FBN1: variants seen among roughly 807,000 people sequenced by gnomAD.
FBN1 encodes the protein fibrillin-1.
In FBN1, 29 loss-of-function variants were observed where a neutral mutation model predicts 365.1. The observed-to-expected ratio is 0.08, with a 90% confidence interval of 0.06 to 0.11. The LOEUF is 0.11. Ranked by LOEUF, FBN1 falls within the 10% of genes least tolerant of loss-of-function variation. The pLI, the probability that FBN1 is intolerant of heterozygous loss-of-function variation, is 1.00. For missense variants in FBN1, 2,476 were observed against 3,703.2 expected, an observed-to-expected ratio of 0.67 and a Z score of 8.60; for synonymous variants, 1,210 against 1,270.5, an observed-to-expected ratio of 0.95 and a Z score of 1.01.
At chr15:48,525,106 A>G (rs866338308) in intron 9 of FBN1, among the ~76,000 whole-genome samples, 1 of 147,904 alleles carries the variant, frequency 6.8e-6, no homozygotes. Flanking sequence ...TTTTTTTTTC[A>G]GATGAAGTCT....
intron 1 of FBN1, among the ~76,000 whole-genome samples, chr15:48,645,269 C>T (rs1249657850): frequency 6.6e-6 from 1 of 152,194 alleles, no homozygotes; most frequent in Non-Finnish European, 1.5e-5. Context: ...GCGCGATGCG[C>T]GCTCTGAACG....
At chr15:48,562,787 A>G (rs2044233152) in intron 6 of FBN1, among the ~76,000 whole-genome samples, 1 of 152,168 alleles carries the variant, frequency 6.6e-6, no homozygotes, top group Admixed American at 6.5e-5. Context: ...AGGCAAGGAG[A>G]ACAGCCCACA....
chr15:48,476,774 CTTTTT>C (rs34020705), intron 32 of FBN1: 6 of 64,598 alleles, frequency 9.3e-5, no homozygotes, highest in South Asian at 6.0e-4. Flanking sequence ...CCACGCCTGG[CTTTTT>C]TTTTTTTTTT....
intron 31 of FBN1, among the ~76,000 whole-genome samples, chr15:48,481,988 C>T (rs1004487737): frequency 1.3e-5 from 2 of 152,182 alleles, no homozygotes; most frequent in Non-Finnish European, 2.9e-5. Flanking sequence ...TCATCTGGCC[C>T]ATAAGCAGCA....
intron 13 of FBN1, among the ~76,000 whole-genome samples, chr15:48,511,937 T>C (rs1343443211): frequency 6.6e-6 from 1 of 152,308 alleles, no homozygotes; most frequent in East Asian, 1.9e-4. Flanking sequence ...TTTTCTGTTA[T>C]TGCAAAATGC....
rs116842662 is a variant in FBN1, at chr15:48,596,413, T to C, written c.443-35A>G. The C allele has an allele frequency of 0.019, 30,058 of 1,567,908 alleles. 323 individuals are homozygous for C. The highest frequency in any genetic ancestry group is 0.028 in the Middle Eastern group (165 of 5,972). ...AAGGAGAGAGCTGAGACGCTTTACC[T>C]GAAAATAAATGCTAATGAAGTAACA... On this transcript the variant is annotated intron_variant, in intron 5 of 65. Transcript: ENST00000316623.
chr15:48,525,343 G>A (rs1246215266), intron 9 of FBN1, among the ~76,000 whole-genome samples: 7 of 152,216 alleles, frequency 4.6e-5, no homozygotes, highest in Non-Finnish European at 7.4e-5. Context: ...TGCCCGCCTC[G>A]GCCTCCCAAA....
chr15:48,496,290 T>C (rs1173066259), intron 19 of FBN1, 65 bp from the exon 20 acceptor site: 84 of 1,599,582 alleles, frequency 5.3e-5, no homozygotes, highest in Middle Eastern at 3.3e-4. Context: ...TACTTTGCTC[T>C]TTTACATTAG....
intron 11 of FBN1, 144 bp downstream of exon 11, chr15:48,516,033 TGATATA>T (rs1254078255): frequency 4.1e-6 from 3 of 739,184 alleles, no homozygotes; most frequent in Admixed American, 2.4e-5. Flanking sequence ...GACATACATA[TGATATA>T]GATATAGATA....
At chr15:48,438,554 TAC>T (rs1404783495) in intron 50 of FBN1, among the ~76,000 whole-genome samples, 1 of 148,352 alleles carries the variant, frequency 6.7e-6, no homozygotes. Flanking sequence ...TTGTAGATTT[TAC>T]ACACACACAC....
chr15:48,568,327 T>C (rs2044277292), intron 6 of FBN1, among the ~76,000 whole-genome samples: 1 of 152,074 alleles, frequency 6.6e-6, no homozygotes, highest in Non-Finnish European at 1.5e-5. Flanking sequence ...GCATAATTTG[T>C]GCACTGAACA....
chr15:48,460,436 T>C, intron 42 of FBN1, 119 bp from the exon 43 acceptor site: 1 of 705,628 alleles, frequency 1.4e-6, no homozygotes, highest in African/African-American at 1.8e-5. Context: ...GTTTGAAGAA[T>C]TTAAAATAAA....
intron 32 of FBN1, among the ~76,000 whole-genome samples, chr15:48,477,970 T>G (rs940995641): frequency 1.3e-5 from 2 of 152,138 alleles, no homozygotes; most frequent in Admixed American, 6.5e-5. Flanking sequence ...GTCATCCAAG[T>G]ATGGGCTTGT....
intron 5 of FBN1, among the ~76,000 whole-genome samples, chr15:48,599,251 C>T (rs1054476364): frequency 9.9e-5 from 15 of 152,028 alleles, no homozygotes; most frequent in Admixed American, 1.3e-4. Context: ...CCCTGAATAA[C>T]GCCCACCATT....
Position 48,494,190 on chromosome 15 carries a change from G to A in FBN1, c.2728+14C>T. On this transcript the variant is annotated intron_variant, in intron 23 of 65. Transcript: ENST00000316623. ...GCACACAAAAATGTATGGTTTATAA[G>A]TAATCAGAAATACCTTCACATTGTG... 6.3e-7 allele frequency: 1 copy of A among 1,596,048 alleles called. No homozygotes were observed. Among genetic ancestry groups the A allele is most frequent in the Non-Finnish European group, 8.6e-7 (1 of 1,163,896 alleles).
At position 48,485,388 on chromosome 15, in the gene FBN1, T is replaced by C; in HGVS notation, c.3698A>G (p.Gln1233Arg). 1 of 1,614,182 alleles carries C rather than the reference T, an allele frequency of 6.2e-7. No individual in the cohort carries two copies. The highest frequency in any genetic ancestry group is 8.5e-7 in the Non-Finnish European group (1 of 1,179,998). The change falls in exon 30 of 66, where the codon CAG (glutamine) becomes CGG (arginine). Residue 1233 changes from glutamine (Q) to arginine (R), a missense_variant. This residue lies in a region of FBN1 where 1,780 missense variants were observed against 2,840.8 expected (regional missense o/e 0.63). Coordinates refer to ENST00000316623, the MANE Select transcript of FBN1 (RefSeq NM_000138.5). ...AACCTACTCACCGGTGCATGATCTC[T>C]GGTCAGGCATTAGTGCAAATCCCGG... ...CQPGFALMPD[Q>R]RSCTDIDECE... is the part of the protein sequence containing the mutation.
rs1045507224 is a variant in FBN1, at chr15:48,481,594, T to C, written c.3964+61A>G. 2.0e-4 allele frequency: 309 copies of C among 1,526,650 alleles called. 1 individual carries two copies. The highest frequency in any genetic ancestry group is 4.4e-5 in the Non-Finnish European group (49 of 1,105,548). The allele number at this position is 1,526,650 out of a possible 1,614,324, so 94.6% of individuals were successfully genotyped here. A position where few individuals can be genotyped will look rare whatever the true frequency, so the allele number is the denominator to read the frequency against. The stretch of plus-strand genomic sequence containing the variant: ...GAGTTTTAAAACATGTATCAATCTA[T>C]AATTATGATACCAATCTCTTAACTA... On this transcript the variant is annotated intron_variant, in intron 32 of 65. Coordinates refer to ENST00000316623, the MANE Select transcript of FBN1 (RefSeq NM_000138.5).
At chr15:48,439,203 T>A (rs901412999) in intron 50 of FBN1, among the ~76,000 whole-genome samples, 1 of 152,246 alleles carries the variant, frequency 6.6e-6, no homozygotes, top group Admixed American at 6.5e-5. Flanking sequence ...TACCAAGTTA[T>A]GTAAATCAAA....
chr15:48,434,851 G>T, intron 53 of FBN1, 138 bp from the exon 54 acceptor site: 1 of 1,012,488 alleles, frequency 9.9e-7, no homozygotes, highest in South Asian at 1.4e-5. Flanking sequence ...AGACTGCAGT[G>T]CTGTGGCGCG....
Sources: gnomAD v4.1 joint callset for allele counts (sites outside exome capture counted in the v4.1 genomes callset) on GRCh38, gnomAD v4.1.1 for gene constraint, gnomAD v4.1.1 regional missense constraint, MANE v1.5 for transcripts, NCBI Gene and HGNC (gene_info 2026-07-23, HGNC 2026-07-21) for gene names.